FBXL17: variants seen among roughly 807,000 people sequenced by gnomAD.
The protein encoded by FBXL17 is F-box/LRR-repeat protein 17.
Under a neutral mutation model 66.2 loss-of-function variants are expected in FBXL17, and 22 were observed. The observed-to-expected ratio is 0.33, with a 90% CI of 0.24 to 0.47. FBXL17 has a LOEUF of 0.47. Among genes scored for constraint, FBXL17 ranks in the 20% least tolerant of loss-of-function variants. The pLI, the probability that FBXL17 is intolerant of heterozygous loss-of-function variation, is 1.00. For missense variants in FBXL17, 878 were observed against 948.2 expected (o/e 0.93, Z 0.97); for synonymous variants, 474 against 400.5 (o/e 1.18, Z -2.19).
chr5:108,099,782 A>T (rs1749532263), intron 6 of FBXL17, among the ~76,000 whole-genome samples: 1 of 152,208 alleles, frequency 6.6e-6, no homozygotes, highest in Admixed American at 6.5e-5. Context: ...AAAATAGTTA[A>T]TATGCCAGAA....
At position 108,320,358 on chromosome 5, in the gene FBXL17, C is replaced by A. The variant is rs955312847; in HGVS notation, c.1506+28041G>T. 2.0e-5 allele frequency among the ~76,000 whole-genome samples: 3 copies of A among 151,386 alleles called. No individual in the cohort carries two copies. In the Admixed American group the frequency reaches 2.0e-4, roughly 10 times the overall value. ...TGGGAGAGCATGAGGGGATTTTAACCCACCAGACAAGCCTGTCCAATAAAA... is the reference window on the plus strand; with the variant it reads ...TGGGAGAGCATGAGGGGATTTTAACACACCAGACAAGCCTGTCCAATAAAA... On this transcript the variant is annotated intron_variant, in intron 4 of 8. Transcript: ENST00000542267.
intron 1 of FBXL17, among the ~76,000 whole-genome samples, chr5:108,378,574 C>A (rs1421327001): frequency 2.6e-5 from 4 of 152,114 alleles, no homozygotes; most frequent in Non-Finnish European, 4.4e-5. Flanking sequence ...TCAAACAACT[C>A]CAGTCCTTAC....
In FBXL17 at chr5:107,908,536, T is replaced by C. The variant is rs80214203; in HGVS notation, c.1823-27357A>G. On this transcript the variant is annotated intron_variant, in intron 7 of 8. Coordinates refer to ENST00000542267, the MANE Select transcript of FBXL17 (RefSeq NM_001163315.3). ...AACGACATACATAAAAACTGAGATA[T>C]GTGGCCAAAAACCTATATGCAATTA... is the stretch of plus-strand genomic sequence containing the variant. Among the ~76,000 whole-genome samples the C allele has an allele frequency of 6.9e-3, 1,048 of 152,312 alleles. 16 individuals carry two copies. Among genetic ancestry groups the C allele is most frequent in the African/African-American group, 0.024 (993 of 41,574 alleles).
intron 4 of FBXL17, among the ~76,000 whole-genome samples, chr5:108,234,132 A>C (rs961529973): frequency 6.6e-6 from 1 of 152,160 alleles, no homozygotes; most frequent in African/African-American, 2.4e-5. Context: ...GTACAGGGTC[A>C]CCAATTTTGC....
At chr5:107,990,577 C>G (rs1216927830) in intron 7 of FBXL17, among the ~76,000 whole-genome samples, 1 of 152,000 alleles carries the variant, frequency 6.6e-6, no homozygotes, top group Non-Finnish European at 1.5e-5. Context: ...ATAACAATAA[C>G]AACTAATAAT....
intron 7 of FBXL17, among the ~76,000 whole-genome samples, chr5:107,943,133 T>C (rs1751170204): frequency 6.6e-6 from 1 of 152,132 alleles, no homozygotes; most frequent in Non-Finnish European, 1.5e-5. Flanking sequence ...ATTGCTTGAC[T>C]CCCACTACAC....
At chr5:108,304,748 T>A (rs774137299) in intron 4 of FBXL17, among the ~76,000 whole-genome samples, 1 of 151,992 alleles carries the variant, frequency 6.6e-6, no homozygotes, top group Non-Finnish European at 1.5e-5. Flanking sequence ...CCTCATTTGG[T>A]ATTTCTACCC....
chr5:108,291,414 C>G (rs980343705), intron 4 of FBXL17, among the ~76,000 whole-genome samples: 14 of 152,152 alleles, frequency 9.2e-5, no homozygotes, highest in African/African-American at 3.4e-4. Context: ...TACAAGACAG[C>G]TGGTAGCAGA....
At chr5:108,344,492 A>T (rs185804260) in intron 4 of FBXL17, among the ~76,000 whole-genome samples, 1 of 152,280 alleles carries the variant, frequency 6.6e-6, no homozygotes, top group African/African-American at 2.4e-5. Context: ...CAGAGTAGAA[A>T]ATGTAAAAAA....
chr5:108,060,845 G>A (rs1747891787), intron 6 of FBXL17, among the ~76,000 whole-genome samples: 1 of 152,074 alleles, frequency 6.6e-6, no homozygotes, highest in African/African-American at 2.4e-5. Flanking sequence ...AAAAGGGAAA[G>A]TGGAAAAAAG....
At chr5:108,128,240 C>T (rs1256033966) in intron 6 of FBXL17, among the ~76,000 whole-genome samples, 1 of 117,440 alleles carries the variant, frequency 8.5e-6, no homozygotes, top group Admixed American at 8.7e-5. Context: ...AGCAAGACTC[C>T]ATCTTTAAAA....
chr5:108,371,014 T>C (rs1047515244), intron 1 of FBXL17, among the ~76,000 whole-genome samples: 1 of 152,066 alleles, frequency 6.6e-6, no homozygotes, highest in Non-Finnish European at 1.5e-5. Flanking sequence ...GGGTGGTCCC[T>C]GTACAGAAAT....
intron 7 of FBXL17, among the ~76,000 whole-genome samples, chr5:107,959,765 A>C (rs1413192764): frequency 6.6e-6 from 1 of 152,170 alleles, no homozygotes; most frequent in Non-Finnish European, 1.5e-5. Context: ...ATAGGGCTTA[A>C]AGAAGTTTGC....
chr5:108,258,192 C>T (rs760055765), intron 4 of FBXL17, among the ~76,000 whole-genome samples: 1 of 152,046 alleles, frequency 6.6e-6, no homozygotes, highest in Non-Finnish European at 1.5e-5. Context: ...TCAACAGGGC[C>T]GTGGCTTTAG....
In FBXL17 at chr5:108,270,500, C is replaced by T. The variant is rs371448934; in HGVS notation, c.1507-46272G>A. Among the ~76,000 whole-genome samples the T allele has an allele frequency of 2.4e-4, 35 of 147,076 alleles. No homozygotes were observed. In the South Asian group the frequency reaches 7.3e-3, roughly 31 times the overall value. ...AATACATAAATCACATATTTAGCAA[C>T]AATTGTAATGAAAAGGAGGTGACTC... On this transcript the variant is annotated intron_variant, in intron 4 of 8. Transcript: ENST00000542267.
intron 5 of FBXL17, among the ~76,000 whole-genome samples, chr5:108,223,668 T>C (rs911006760): frequency 2.0e-5 from 3 of 152,202 alleles, no homozygotes; most frequent in Non-Finnish European, 4.4e-5. Context: ...TGTTATATTA[T>C]TGAACTCTCT....
chr5:107,866,027 C>A (rs957176366), intron 8 of FBXL17, among the ~76,000 whole-genome samples: 1 of 152,090 alleles, frequency 6.6e-6, no homozygotes, highest in Non-Finnish European at 1.5e-5. Flanking sequence ...ATGAAAAGAA[C>A]CTCTCTCTGT....
In FBXL17 at chr5:107,924,071, T is replaced by G. The variant is rs866716795; in HGVS notation, c.1823-42892A>C. 4.6e-4 allele frequency among the ~76,000 whole-genome samples: 69 copies of G among 150,310 alleles called. No homozygotes were observed. In the Middle Eastern group the frequency reaches 0.014, roughly 30 times the overall value. Reference sequence around the variant, plus strand: ...CATATGAGCTTAGTGTTTTTTTTTTTTTTTTTTTTTTTTAAGATATGGGGT... The same window carrying G: ...CATATGAGCTTAGTGTTTTTTTTTTGTTTTTTTTTTTTTAAGATATGGGGT... On this transcript the variant is annotated intron_variant, in intron 7 of 8. Transcript: ENST00000542267.
intron 4 of FBXL17, among the ~76,000 whole-genome samples, chr5:108,269,689 A>C (rs899598793): frequency 3.9e-5 from 6 of 151,996 alleles, no homozygotes; most frequent in Admixed American, 3.3e-4. Context: ...TTCCAACAAT[A>C]TATCACCTAG....
Sources: gnomAD v4.1 joint callset for allele counts (sites outside exome capture counted in the v4.1 genomes callset) on GRCh38, gnomAD v4.1.1 for gene constraint, MANE v1.5 for transcripts, NCBI Gene and HGNC (gene_info 2026-07-23, HGNC 2026-07-21) for gene names.